Variants in AXDND1 observed in about 807,000 individuals in gnomAD.
AXDND1 encodes the protein axonemal dynein light chain domain-containing protein 1.
Under a neutral mutation model 137.5 loss-of-function variants are expected in AXDND1, and 110 were observed. That is an observed-to-expected ratio of 0.80 (90% confidence interval 0.69 to 0.94). The LOEUF (loss-of-function observed/expected upper bound fraction) is 0.94, where lower values mean the gene tolerates loss of function less well. AXDND1 is among the 40% of genes least tolerant of loss of function. AXDND1 has a pLI of 0.00. For missense variants in AXDND1, 1,191 were observed against 1,169.8 expected (o/e 1.02, Z -0.26); for synonymous variants, 414 against 399.7 (o/e 1.04, Z -0.43).
intron 20 of AXDND1, among the ~76,000 whole-genome samples, chr1:179,508,068 A>G (rs1299794848): frequency 1.3e-5 from 2 of 152,280 alleles, no homozygotes; most frequent in Admixed American, 1.3e-4. Context: ...TAATTACACA[A>G]TTTAAAAGAA....
At chr1:179,441,857 A>G (rs1659032917) in intron 15 of AXDND1, among the ~76,000 whole-genome samples, 1 of 152,202 alleles carries the variant, frequency 6.6e-6, no homozygotes, top group African/African-American at 2.4e-5. Context: ...ATTTCTTGCC[A>G]ATTTAAATTC....
intron 12 of AXDND1, among the ~76,000 whole-genome samples, chr1:179,415,664 A>G (rs1362253865): frequency 1.3e-5 from 2 of 151,812 alleles, no homozygotes; most frequent in Non-Finnish European, 2.9e-5. Flanking sequence ...AACCCATTCA[A>G]CTTAGGTAAT....
chr1:179,491,678 G>A lies in AXDND1; in HGVS notation c.2232G>A (p.Leu744=), dbSNP rs769813346. ...AACATGATATAGGAGTTGCGCGATTGGAGCTAGATGCGATTGAACTGACAA... is the reference window on the plus strand; with the variant it reads ...AACATGATATAGGAGTTGCGCGATTAGAGCTAGATGCGATTGAACTGACAA... ...AEKHDIGVAR[L]ELDAIELTRK... The change falls in exon 19 of 26, where the codon TTG becomes TTA. Residue 744 remains leucine (L), a synonymous_variant. Transcript: ENST00000367618. 6.2e-7 allele frequency: 1 copy of A among 1,608,010 alleles called. No homozygotes were observed. The highest frequency in any genetic ancestry group is 2.2e-5 in the East Asian group (1 of 44,756).
intron 17 of AXDND1, among the ~76,000 whole-genome samples, chr1:179,469,003 C>G (rs111822722): frequency 0.03 from 4,507 of 151,832 alleles, 248 homozygotes; most frequent in African/African-American, 0.1. Flanking sequence ...GATCTTGGCT[C>G]ACTGCAACCT....
rs1305926547 is a variant in AXDND1 at position 179,395,474 on chromosome 1, G to C, written c.1109+272G>C. Reference sequence around the variant, plus strand: ...TACTTTCTGGTTTTCTAAAAGAAAGGGTAAAGAAACAGTGAGCATAGATAA... The same window carrying C: ...TACTTTCTGGTTTTCTAAAAGAAAGCGTAAAGAAACAGTGAGCATAGATAA... On this transcript the variant is annotated intron_variant, in intron 11 of 25. Transcript: ENST00000367618. Among the ~76,000 whole-genome samples, 4 of 152,032 alleles carry C rather than the reference G, an allele frequency of 2.6e-5. No individual in the cohort carries two copies. The East Asian group carries it at 5.8e-4, about 22-fold the overall frequency.
chr1:179,451,031 A>G (rs1660480387), intron 16 of AXDND1: 1 of 152,166 alleles, frequency 6.6e-6, no homozygotes, highest in Admixed American at 6.5e-5. Context: ...TATAAGATAT[A>G]TTTATCTGTA....
chr1:179,501,038 A>G (rs1667946518), intron 20 of AXDND1, among the ~76,000 whole-genome samples: 1 of 152,246 alleles, frequency 6.6e-6, no homozygotes, highest in Admixed American at 6.5e-5. Context: ...GCTTAATAGT[A>G]CATGTTGCTA....
rs144397144 is a variant in AXDND1, at chr1:179,380,912, A to G, written c.581+1430A>G. Among the ~76,000 whole-genome samples, 17 of 152,312 alleles carry G rather than the reference A, an allele frequency of 1.1e-4. 1 individual carries two copies. The East Asian group carries it at 2.5e-3, about 22-fold the overall frequency. Reference sequence around the variant, plus strand: ...GTCTCATTTGCTCTTAAACATACACAAGCATGCATACACATGCACATATTT... The same window carrying G: ...GTCTCATTTGCTCTTAAACATACACGAGCATGCATACACATGCACATATTT... On this transcript the variant is annotated intron_variant, in intron 6 of 25. Transcript: ENST00000367618.
At chr1:179,370,410 G>C (rs866049402) in intron 4 of AXDND1, among the ~76,000 whole-genome samples, 1 of 152,176 alleles carries the variant, frequency 6.6e-6, no homozygotes, top group Non-Finnish European at 1.5e-5. Context: ...TGCCTTTAGT[G>C]CTCCTTTTAT....
intron 15 of AXDND1, among the ~76,000 whole-genome samples, chr1:179,439,222 A>G (rs1658636482): frequency 6.6e-6 from 1 of 152,220 alleles, no homozygotes; most frequent in South Asian, 2.1e-4. Context: ...CTGTATAATC[A>G]GCACAATTAG....
At chr1:179,482,724 TC>T (rs1665567949) in intron 17 of AXDND1, among the ~76,000 whole-genome samples, 1 of 151,962 alleles carries the variant, frequency 6.6e-6, no homozygotes. Context: ...GTTACCAGTT[TC>T]GGGGGTGGTG....
intron 20 of AXDND1, among the ~76,000 whole-genome samples, chr1:179,501,940 G>T (rs1264793309): frequency 2.0e-5 from 3 of 151,886 alleles, no homozygotes; most frequent in African/African-American, 7.3e-5. Context: ...AACTCAAAGG[G>T]AAAAGGTTCA....
At chr1:179,414,877 G>C (rs1439777195) in intron 12 of AXDND1, among the ~76,000 whole-genome samples, 2 of 152,088 alleles carry the variant, frequency 1.3e-5, no homozygotes, top group Non-Finnish European at 1.5e-5. Flanking sequence ...AAAATAACTT[G>C]TACTTTTAGA....
At chr1:179,543,388 A>C (rs569059559) in intron 25 of AXDND1, 1 of 152,310 alleles carries the variant, frequency 6.6e-6, no homozygotes, top group South Asian at 2.1e-4. Flanking sequence ...ACAAAGTGCA[A>C]ATAGTAATAC....
At chr1:179,413,725 G>T (rs1483533252) in intron 12 of AXDND1, among the ~76,000 whole-genome samples, 1 of 152,106 alleles carries the variant, frequency 6.6e-6, no homozygotes, top group Non-Finnish European at 1.5e-5. Flanking sequence ...GTGTCTTTTT[G>T]ATTAAATGAT....
chr1:179,398,639 TG>T (rs965747018), intron 11 of AXDND1, among the ~76,000 whole-genome samples: 21 of 151,600 alleles, frequency 1.4e-4, no homozygotes, highest in Non-Finnish European at 2.2e-4. Context: ...GTGCTGGTGG[TG>T]GTCTTAGCAT....
At chr1:179,474,140 G>A (rs1571991490) in intron 17 of AXDND1, among the ~76,000 whole-genome samples, 1 of 151,260 alleles carries the variant, frequency 6.6e-6, no homozygotes, top group Non-Finnish European at 1.5e-5. Flanking sequence ...CAGGAGAATT[G>A]CTTGAACCTG....
chr1:179,448,388 T>C (rs973801897), intron 16 of AXDND1: 1 of 652,300 alleles, frequency 1.5e-6, no homozygotes, highest in African/African-American at 1.8e-5. Context: ...AAAAGTGGCC[T>C]CTCAGTTCCT....
intron 16 of AXDND1, among the ~76,000 whole-genome samples, chr1:179,460,011 T>TCCTC (rs1558212142): frequency 9.4e-5 from 13 of 138,574 alleles, no homozygotes; most frequent in Middle Eastern, 3.5e-3. Flanking sequence ...TTCCTTCCTC[T>TCCTC]CCTTCCTTCC....
Sources: allele counts gnomAD v4.1 joint callset (sites outside exome capture counted in the v4.1 genomes callset), GRCh38; gene constraint gnomAD v4.1.1; transcripts MANE v1.5; gene names NCBI Gene and HGNC (gene_info 2026-07-23, HGNC 2026-07-21).